Variants in ZNF804B observed in about 807,000 individuals in gnomAD.
ZNF804B encodes the protein zinc finger 804B.
In ZNF804B, 80 loss-of-function variants were observed where a neutral mutation model predicts 101.4. The observed-to-expected ratio is 0.79, with a 90% CI of 0.66 to 0.95. The LOEUF is 0.95. ZNF804B is among the 40% of genes least tolerant of loss of function. ZNF804B has a pLI of 0.00. For synonymous variants in ZNF804B, 622 were observed against 558.8 expected (o/e 1.11, Z -1.59); for missense variants, 1,673 against 1,561.9 (o/e 1.07, Z -1.20).
chr7:89,110,404 G>C (rs889906183), intron 1 of ZNF804B, among the ~76,000 whole-genome samples: 3 of 152,158 alleles, frequency 2.0e-5, no homozygotes, highest in African/African-American at 7.2e-5. Context: ...TGAGTTGAAT[G>C]AACCAAAGTC....
chr7:88,873,157 C>T (rs886636660), intron 1 of ZNF804B, among the ~76,000 whole-genome samples: 3 of 152,236 alleles, frequency 2.0e-5, no homozygotes, highest in Admixed American at 6.5e-5. Context: ...TTAATGATTG[C>T]CATTCTAACT....
At chr7:88,942,893 G>T (rs1296051544) in intron 1 of ZNF804B, among the ~76,000 whole-genome samples, 1 of 151,768 alleles carries the variant, frequency 6.6e-6, no homozygotes, top group Admixed American at 6.6e-5. Context: ...ATTTATAGGA[G>T]CAATATTAAC....
chr7:88,858,889 G>A (rs558286842), intron 1 of ZNF804B, among the ~76,000 whole-genome samples: 165 of 152,084 alleles, frequency 1.1e-3, no homozygotes, highest in African/African-American at 3.8e-3. Flanking sequence ...TGGTTCTATA[G>A]CTATAAGGTA....
chr7:89,032,720 G>A (rs914807865), intron 1 of ZNF804B, among the ~76,000 whole-genome samples: 1 of 152,176 alleles, frequency 6.6e-6, no homozygotes, highest in East Asian at 1.9e-4. Context: ...AGACATCAGG[G>A]AGTAGGAGGT....
intron 2 of ZNF804B, among the ~76,000 whole-genome samples, chr7:89,290,664 G>C (rs1227928506): frequency 2.6e-5 from 4 of 152,124 alleles, no homozygotes; most frequent in African/African-American, 9.7e-5. Flanking sequence ...GAGGTAAAAG[G>C]GGGAAGGACT....
chr7:89,292,724 A>G (rs1334136180), intron 2 of ZNF804B, among the ~76,000 whole-genome samples: 1 of 152,038 alleles, frequency 6.6e-6, no homozygotes, highest in African/African-American at 2.4e-5. Flanking sequence ...TCGAATGTAA[A>G]TGTTATTTAC....
At chr7:88,999,007 C>T (rs1788242636) in intron 1 of ZNF804B, among the ~76,000 whole-genome samples, 1 of 152,032 alleles carries the variant, frequency 6.6e-6, no homozygotes, top group Non-Finnish European at 1.5e-5. Flanking sequence ...ACAATCATTT[C>T]CTATTAGCAT....
chr7:89,156,060 CTTTCTT>C lies in ZNF804B; in HGVS notation c.109-62093_109-62088del, dbSNP rs1554371364. Among the ~76,000 whole-genome samples the C allele has an allele frequency of 2.5e-3, 185 of 72,912 alleles. 1 individual carries two copies. Among genetic ancestry groups the C allele is most frequent in the African/African-American group, 8.4e-3 (179 of 21,382 alleles). 47.8% of individuals were successfully genotyped at this position (72,912 alleles called of 152,430 possible). On this transcript the variant is annotated intron_variant, in intron 1 of 3. Transcript: ENST00000333190. ...TCTTTCTTTCTTTCTTTCTTTCTTT[CTTTCTT>C]TCTTTCTCTCTTTCTCTCTTTCCTT...
chr7:89,288,521 T>C (rs1284362086), intron 2 of ZNF804B, among the ~76,000 whole-genome samples: 1 of 152,174 alleles, frequency 6.6e-6, no homozygotes, highest in Non-Finnish European at 1.5e-5. Flanking sequence ...AGGTTACTTT[T>C]AACGATGCAA....
intron 2 of ZNF804B, among the ~76,000 whole-genome samples, chr7:89,290,499 G>A (rs1190241887): frequency 6.6e-6 from 1 of 152,086 alleles, no homozygotes; most frequent in African/African-American, 2.4e-5. Flanking sequence ...CTGAAAGGTG[G>A]GTCCCAGGCC....
At chr7:89,216,698 T>C (rs1788902195) in intron 1 of ZNF804B, among the ~76,000 whole-genome samples, 1 of 152,232 alleles carries the variant, frequency 6.6e-6, no homozygotes, top group South Asian at 2.1e-4. Flanking sequence ...TAAATCATTA[T>C]GTTACACACG....
At chr7:89,205,932 A>T (rs1284123802) in intron 1 of ZNF804B, among the ~76,000 whole-genome samples, 1 of 152,148 alleles carries the variant, frequency 6.6e-6, no homozygotes, top group Admixed American at 6.5e-5. Context: ...GCAAACTTCT[A>T]CCTGGACATA....
chr7:89,225,063 C>T (rs905687870), intron 2 of ZNF804B, among the ~76,000 whole-genome samples: 2 of 152,192 alleles, frequency 1.3e-5, no homozygotes, highest in South Asian at 4.1e-4. Flanking sequence ...ATCTGACCTT[C>T]AGTGTTCTCG....
intron 1 of ZNF804B, among the ~76,000 whole-genome samples, chr7:88,868,702 A>T (rs1791773823): frequency 6.6e-6 from 1 of 152,204 alleles, no homozygotes; most frequent in Non-Finnish European, 1.5e-5. Flanking sequence ...ATGCTTTACA[A>T]CATTTCTAAA....
intron 2 of ZNF804B, among the ~76,000 whole-genome samples, chr7:89,275,074 A>G (rs747543651): frequency 6.6e-6 from 1 of 151,980 alleles, no homozygotes; most frequent in African/African-American, 2.4e-5. Context: ...TTGGACGTCT[A>G]ATAGGCATCT....
intron 1 of ZNF804B, among the ~76,000 whole-genome samples, chr7:88,957,164 G>T (rs189980671): frequency 1.3e-5 from 2 of 151,308 alleles, no homozygotes; most frequent in African/African-American, 4.8e-5. Context: ...GAAACTTCTG[G>T]CCCCTTTGGC....
At chr7:88,931,175 A>T (rs1792879743) in intron 1 of ZNF804B, among the ~76,000 whole-genome samples, 1 of 151,926 alleles carries the variant, frequency 6.6e-6, no homozygotes. Context: ...CTTTGCCATA[A>T]GGCTTAAAAC....
At chr7:88,874,081 G>A (rs532681281) in intron 1 of ZNF804B, among the ~76,000 whole-genome samples, 13 of 152,174 alleles carry the variant, frequency 8.5e-5, no homozygotes, top group African/African-American at 3.1e-4. Context: ...TTTTCATGAT[G>A]TTGATTCTTC....
chr7:88,765,421 T>C (rs1789966607), intron 1 of ZNF804B, among the ~76,000 whole-genome samples: 1 of 152,154 alleles, frequency 6.6e-6, no homozygotes, highest in Non-Finnish European at 1.5e-5. Flanking sequence ...ATAAAGTGTA[T>C]GCACTAAAAT....
Sources: gnomAD v4.1 joint callset for allele counts (sites outside exome capture counted in the v4.1 genomes callset) on GRCh38, gnomAD v4.1.1 for gene constraint, MANE v1.5 for transcripts, NCBI Gene and HGNC (gene_info 2026-07-23, HGNC 2026-07-21) for gene names.